ABCC11: variants seen among roughly 807,000 people sequenced by gnomAD.
The protein encoded by ABCC11 is ATP binding cassette subfamily C member 11, also known as ATP-binding cassette sub-family C member 11.
ABCC11 carries 135 observed loss-of-function variants against 149.3 expected under a neutral mutation model. That is an observed-to-expected ratio of 0.90 (90% CI 0.79 to 1.04). The LOEUF (loss-of-function observed/expected upper bound fraction) is 1.04. Ranked by LOEUF, ABCC11 falls within the 50% of genes least tolerant of loss-of-function variation. The pLI, the probability that ABCC11 is intolerant of heterozygous loss-of-function variation, is 0.00. For missense variants in ABCC11, 1,680 were observed against 1,722.1 expected (o/e 0.98, Z 0.43); for synonymous variants, 665 against 671.4 (o/e 0.99, Z 0.15).
At chr16:48,177,967 C>T (rs1966194956) in intron 24 of ABCC11, among the ~76,000 whole-genome samples, 1 of 152,210 alleles carries the variant, frequency 6.6e-6, no homozygotes, top group Admixed American at 6.5e-5. Context: ...GTTCCATGAT[C>T]CCATGAGATA....
intron 14 of ABCC11, among the ~76,000 whole-genome samples, chr16:48,202,348 T>G (rs1429584903): frequency 6.6e-6 from 1 of 152,146 alleles, no homozygotes; most frequent in East Asian, 1.9e-4. Flanking sequence ...CAGTAGCTCA[T>G]GCCTGTAATC....
At chr16:48,240,240 C>G (rs983368500) in intron 1 of ABCC11, among the ~76,000 whole-genome samples, 1 of 151,944 alleles carries the variant, frequency 6.6e-6, no homozygotes, top group Admixed American at 6.6e-5. Context: ...TTCACTGCAG[C>G]ACTAGTCACA....
At position 48,215,146 on chromosome 16, in the gene ABCC11, G is replaced by A. The variant is rs748825100; in HGVS notation, c.1099+51C>T. ...AATCCTCAAGAGGTGAGAGGGGCTCGGCTTACCATGCCATCACCAGGTTTG... is the reference window on the plus strand; with the variant it reads ...AATCCTCAAGAGGTGAGAGGGGCTCAGCTTACCATGCCATCACCAGGTTTG... On this transcript the variant is annotated intron_variant, in intron 8 of 29. Transcript: ENST00000356608. 70 of 1,594,208 alleles carry A rather than the reference G, an allele frequency of 4.4e-5. No individual in the cohort carries two copies. In the South Asian group the frequency reaches 5.8e-4, roughly 13 times the overall value.
At chr16:48,181,902 C>T (rs1292620717) in intron 23 of ABCC11, among the ~76,000 whole-genome samples, 1 of 152,248 alleles carries the variant, frequency 6.6e-6, no homozygotes, top group African/African-American at 2.4e-5. Context: ...CGTGAGCCAA[C>T]GTGCCCCACC....
intron 1 of ABCC11, among the ~76,000 whole-genome samples, chr16:48,234,484 A>T (rs1476107509): frequency 6.6e-6 from 1 of 152,154 alleles, no homozygotes; most frequent in Non-Finnish European, 1.5e-5. Flanking sequence ...CCACTGTGGC[A>T]TCCATCTTGC....
At chr16:48,215,063 C>G (rs1392615211) in intron 8 of ABCC11, 34 bp from the exon 9 acceptor site, 3 of 1,609,358 alleles carry the variant, frequency 1.9e-6, no homozygotes, top group Non-Finnish European at 2.5e-6. Flanking sequence ...CCAAAGATAA[C>G]CACAAGAACA....
intron 24 of ABCC11, 43 bp from the exon 25 acceptor site, chr16:48,177,156 A>G (rs907387624): frequency 6.4e-7 from 1 of 1,571,070 alleles, no homozygotes; most frequent in Non-Finnish European, 8.6e-7. Context: ...GTTATCATCT[A>G]TCTCGGCCCA....
intron 22 of ABCC11, among the ~76,000 whole-genome samples, chr16:48,186,296 C>A (rs896622504): frequency 6.6e-6 from 1 of 152,218 alleles, no homozygotes; most frequent in African/African-American, 2.4e-5. Flanking sequence ...CAGGCCACCT[C>A]CTTCCCCTCT....
At position 48,202,377 on chromosome 16, in the gene ABCC11, G is replaced by A. The variant is rs1039374128; in HGVS notation, c.1878+851C>T. ...TGTAATCGCAGCACTTTGGAAGGCC[G>A]AGCTGGGTGGATCACATGAGGCCAG... On this transcript the variant is annotated intron_variant, in intron 14 of 29. Transcript: ENST00000356608. Among the ~76,000 whole-genome samples the A allele has an allele frequency of 5.9e-5, 9 of 152,246 alleles. No homozygotes were observed. In the South Asian group the frequency reaches 1.7e-3, roughly 28 times the overall value.
At chr16:48,175,193 C>A in intron 26 of ABCC11, 65 bp downstream of exon 26, 1 of 1,557,566 alleles carries the variant, frequency 6.4e-7, no homozygotes. Flanking sequence ...CTATAGGCAG[C>A]CCGGTGCTGG....
chr16:48,167,677 A>C lies in ABCC11; in HGVS notation c.3892-17T>G. ...AAGGATGATCTGATGAATACAAAAC[A>C]GGGGTGAAGGTGTCTACTTCAGGCC... is the stretch of plus-strand genomic sequence containing the variant. On this transcript the variant is annotated splice_polypyrimidine_tract_variant and intron_variant, in intron 28 of 29. Coordinates refer to ENST00000356608, the MANE Select transcript of ABCC11 (RefSeq NM_001370497.1). 6.2e-7 allele frequency: 1 copy of C among 1,613,650 alleles called. No homozygotes were observed. The highest frequency in any genetic ancestry group is 1.7e-4 in the Middle Eastern group (1 of 6,060).
chr16:48,247,060 T>C (rs1971428160), intron 1 of ABCC11, among the ~76,000 whole-genome samples: 1 of 152,312 alleles, frequency 6.6e-6, no homozygotes, highest in Admixed American at 6.5e-5. Flanking sequence ...AAAGTCTTCA[T>C]AGAAGTCCGG....
chr16:48,242,723 A>T (rs1028265080), intron 1 of ABCC11, among the ~76,000 whole-genome samples: 13 of 152,256 alleles, frequency 8.5e-5, no homozygotes, highest in African/African-American at 3.1e-4. Flanking sequence ...GCCATAAAAA[A>T]GGATGAGTTC....
rs1290903520 is a variant in ABCC11 at position 48,167,583 on chromosome 16, G to A, written c.3969C>T (p.Ala1323=). Residue 1323 remains alanine, a synonymous_variant, in exon 29 of 30, where the codon GCC becomes GCT. Transcript: ENST00000356608. ...TGACGAGCACGGTGCAGCCCTGGAA[G>A]GCTTCACGGATTGTGCGCTGGATCA... is the stretch of plus-strand genomic sequence containing the variant. The part of the protein sequence containing the change: ...DTLIQRTIRE[A]FQGCTVLVIA... 1.9e-6 allele frequency: 3 copies of A among 1,614,068 alleles called. No individual in the cohort carries two copies. The highest frequency in any genetic ancestry group is 2.5e-6 in the Non-Finnish European group (3 of 1,180,048).
chr16:48,183,197 A>T (rs748206383), intron 23 of ABCC11, among the ~76,000 whole-genome samples: 1 of 152,216 alleles, frequency 6.6e-6, no homozygotes, highest in Non-Finnish European at 1.5e-5. Flanking sequence ...CCACATAACC[A>T]CAGAGGGGAC....
intron 5 of ABCC11, chr16:48,223,499 C>A (rs764965209): frequency 6.5e-6 from 1 of 153,510 alleles, no homozygotes. Context: ...CGGCACCTAA[C>A]TGTCACCCGA....
At chr16:48,197,908 TG>T in intron 17 of ABCC11, 62 bp downstream of exon 17, 1 of 1,556,058 alleles carries the variant, frequency 6.4e-7, no homozygotes, top group Non-Finnish European at 8.8e-7. Flanking sequence ...GAGGAAACAC[TG>T]GGACCTCTGG....
At position 48,178,661 on chromosome 16, in the gene ABCC11, G is replaced by A. The variant is rs547058756; in HGVS notation, c.3284C>T (p.Ala1095Val). 49 of 1,614,186 alleles carry A rather than the reference G, an allele frequency of 3.0e-5. 1 individual carries two copies. In the South Asian group the frequency reaches 4.5e-4, roughly 15 times the overall value. ...LQLASSFQAT[A>V]RIGLETEAQF... Reference sequence around the variant, plus strand: ...TGCCTCTGTCTCCAAGCCAATCCGGGCAGTGGCCTGGAAGCTGGACGCCAG... The same window carrying A: ...TGCCTCTGTCTCCAAGCCAATCCGGACAGTGGCCTGGAAGCTGGACGCCAG... The change falls in exon 24 of 30, where the codon GCC becomes GTC. Residue 1095 changes from alanine to valine, a missense_variant. By Grantham distance (64) the Ala-to-Val change is moderately conservative. Coordinates refer to ENST00000356608, the MANE Select transcript of ABCC11 (RefSeq NM_001370497.1).
chr16:48,229,072 T>C (rs936615982), intron 3 of ABCC11, among the ~76,000 whole-genome samples: 1 of 152,170 alleles, frequency 6.6e-6, no homozygotes, highest in African/African-American at 2.4e-5. Context: ...TACCCTTTCA[T>C]ATCCTCACAG....
Sources: allele counts gnomAD v4.1 joint callset (sites outside exome capture counted in the v4.1 genomes callset), GRCh38; gene constraint gnomAD v4.1.1; transcripts MANE v1.5; gene names NCBI Gene and HGNC (gene_info 2026-07-23, HGNC 2026-07-21).